The following PRKAR1B variants were observed in gnomAD, a reference collection of about 807,000 sequenced individuals.
The protein encoded by PRKAR1B is cAMP-dependent protein kinase type I-beta regulatory subunit.
PRKAR1B carries 22 observed loss-of-function variants against 46.5 expected under a neutral mutation model. The ratio of observed to expected loss-of-function variants is 0.47; its 90% CI spans 0.34 to 0.68. The LOEUF (loss-of-function observed/expected upper bound fraction) is 0.68, where lower values mean the gene tolerates loss of function less well. Among genes scored for constraint, PRKAR1B ranks in the 30% least tolerant of loss-of-function variants. The pLI is 0.01. For synonymous variants in PRKAR1B, 259 were observed against 217.7 expected, an observed-to-expected ratio of 1.19 and a Z score of -1.67; for missense variants, 445 against 535.6, an observed-to-expected ratio of 0.83 and a Z score of 1.67.
intron 4 of PRKAR1B, among the ~76,000 whole-genome samples, chr7:620,893 T>C (rs1783076360): frequency 6.6e-6 from 1 of 152,260 alleles, no homozygotes; most frequent in South Asian, 2.1e-4. Flanking sequence ...AGATTCTCCA[T>C]TAGCATGTTT....
chr7:673,918 G>A (rs180983087), intron 4 of PRKAR1B, among the ~76,000 whole-genome samples: 61 of 152,284 alleles, frequency 4.0e-4, no homozygotes, highest in Non-Finnish European at 8.2e-4. Context: ...AGGTGGCTGC[G>A]GCCCTCCTCG....
intron 9 of PRKAR1B, among the ~76,000 whole-genome samples, chr7:575,728 T>G (rs1271500116): frequency 6.6e-6 from 1 of 151,996 alleles, no homozygotes; most frequent in East Asian, 1.9e-4. Flanking sequence ...TCACCTGTCT[T>G]ATGGTGCTGA....
intron 9 of PRKAR1B, among the ~76,000 whole-genome samples, chr7:551,986 C>A (rs542819673): frequency 7.2e-4 from 70 of 96,922 alleles, no homozygotes; most frequent in South Asian, 1.5e-3. Flanking sequence ...ATCACCATGT[C>A]ACCACCCAAA....
intron 9 of PRKAR1B, among the ~76,000 whole-genome samples, chr7:556,650 G>A (rs964392990): frequency 6.6e-6 from 1 of 152,192 alleles, no homozygotes; most frequent in South Asian, 2.1e-4. Context: ...GCTGTGGCGC[G>A]GCTGGACAGG....
chr7:697,381 C>A (rs914477884), intron 2 of PRKAR1B, among the ~76,000 whole-genome samples: 1 of 152,160 alleles, frequency 6.6e-6, no homozygotes, highest in Admixed American at 6.5e-5. Flanking sequence ...GTTCTCGCTC[C>A]TGTGGGGACA....
At chr7:596,564 G>A (rs1357335764) in intron 6 of PRKAR1B, among the ~76,000 whole-genome samples, 2 of 152,218 alleles carry the variant, frequency 1.3e-5, no homozygotes, top group Admixed American at 6.5e-5. Flanking sequence ...AGCCGCCAGT[G>A]CCAATGAGAC....
At chr7:563,881 G>A (rs1345946982) in intron 9 of PRKAR1B, among the ~76,000 whole-genome samples, 1 of 151,974 alleles carries the variant, frequency 6.6e-6, no homozygotes, top group African/African-American at 2.4e-5. Flanking sequence ...GGTTGTGGGT[G>A]TGTATATGTG....
At chr7:660,982 C>A (rs1785512195) in intron 4 of PRKAR1B, among the ~76,000 whole-genome samples, 1 of 102,502 alleles carries the variant, frequency 9.8e-6, no homozygotes, top group Non-Finnish European at 2.0e-5. Context: ...CAGGTCCCCA[C>A]CCCAACAGAT....
chr7:712,489 A>G (rs1428788184), intron 1 of PRKAR1B: 2 of 146,264 alleles, frequency 1.4e-5, no homozygotes, highest in Non-Finnish European at 3.0e-5. Flanking sequence ...CGAGCGAGCG[A>G]GCGGGTCCCC....
At chr7:588,771 G>A (rs1780788157) in intron 7 of PRKAR1B, among the ~76,000 whole-genome samples, 1 of 130,902 alleles carries the variant, frequency 7.6e-6, no homozygotes, top group Admixed American at 7.2e-5. Flanking sequence ...GGTGGTGATG[G>A]TGATGGTGGT....
At chr7:606,269 C>T in intron 5 of PRKAR1B, 30 bp from the exon 6 acceptor site, 1 of 1,605,056 alleles carries the variant, frequency 6.2e-7, no homozygotes, top group Non-Finnish European at 8.5e-7. Flanking sequence ...TCAACAGATA[C>T]AAAGTACATC....
At chr7:636,760 G>C (rs1010437779) in intron 4 of PRKAR1B, among the ~76,000 whole-genome samples, 72 of 152,314 alleles carry the variant, frequency 4.7e-4, no homozygotes, top group African/African-American at 1.6e-3. Flanking sequence ...TGACGGGTCG[G>C]GTCCATCTCT....
chr7:609,459 A>C (rs1773561547), intron 4 of PRKAR1B, among the ~76,000 whole-genome samples: 1 of 152,104 alleles, frequency 6.6e-6, no homozygotes, highest in Admixed American at 6.5e-5. Context: ...GTCCAGCATC[A>C]CAGCTGCGGC....
At chr7:690,383 T>C (rs769840472) in intron 2 of PRKAR1B, among the ~76,000 whole-genome samples, 11 of 151,258 alleles carry the variant, frequency 7.3e-5, no homozygotes, top group Non-Finnish European at 1.6e-4. Flanking sequence ...GCTGGGGCCA[T>C]CCATACCCTA....
chr7:636,348 A>C (rs75818631), intron 4 of PRKAR1B, among the ~76,000 whole-genome samples: 1 of 24,460 alleles, frequency 4.1e-5, no homozygotes, highest in African/African-American at 1.7e-4. Flanking sequence ...GGCCGCGCCC[A>C]CACGTCCTCC....
intron 9 of PRKAR1B, among the ~76,000 whole-genome samples, chr7:554,294 C>T (rs1270095752): frequency 6.6e-6 from 1 of 152,268 alleles, no homozygotes; most frequent in African/African-American, 2.4e-5. Context: ...GGCCAAGCCC[C>T]CGCACAGGAG....
intron 4 of PRKAR1B, among the ~76,000 whole-genome samples, chr7:627,319 C>T (rs971413040): frequency 3.3e-5 from 5 of 152,144 alleles, no homozygotes; most frequent in African/African-American, 7.2e-5. Context: ...TCAGCACTGG[C>T]GGAGGGTAGC....
chr7:607,587 A>G, intron 4 of PRKAR1B, 135 bp from the exon 5 acceptor site: 1 of 814,572 alleles, frequency 1.2e-6, no homozygotes. Context: ...TGAGAGTTCA[A>G]AGAAGAAAAT....
intron 9 of PRKAR1B, chr7:565,240 G>C (rs1472924577): frequency 3.3e-5 from 5 of 152,288 alleles, no homozygotes; most frequent in Non-Finnish European, 7.3e-5. Context: ...GGACCCCAAA[G>C]GTGTCCAGCT....
Sources: gnomAD v4.1 joint callset for allele counts (sites outside exome capture counted in the v4.1 genomes callset) on GRCh38, gnomAD v4.1.1 for gene constraint, MANE v1.5 for transcripts, NCBI Gene and HGNC (gene_info 2026-07-23, HGNC 2026-07-21) for gene names.